Variants in ZNF93 observed in about 807,000 individuals in gnomAD.
ZNF93 encodes zinc finger protein 93.
ZNF93 carries 29 observed loss-of-function variants against 45.0 expected under a neutral mutation model. The observed-to-expected ratio is 0.64, with a 90% CI of 0.48 to 0.88. ZNF93 has a LOEUF of 0.88. ZNF93 is among the 40% of genes least tolerant of loss of function. The pLI is 0.00. For synonymous variants in ZNF93, 223 were observed against 244.6 expected, an observed-to-expected ratio of 0.91 and a Z score of 0.82; for missense variants, 578 against 724.0, an observed-to-expected ratio of 0.80 and a Z score of 2.31.
rs1390524280 is a variant in ZNF93 at position 19,933,884 on chromosome 19, A to C, written c.929A>C (p.Glu310Ala). 6.2e-7 allele frequency: 1 copy of C among 1,613,174 alleles called. No individual in the cohort carries two copies. Among genetic ancestry groups the C allele is most frequent in the Admixed American group, 1.7e-5 (1 of 59,942 alleles). Residue 310 changes from glutamate to alanine, a missense_variant, in exon 4 of 4, where the codon GAG becomes GCG. By Grantham distance (107) the Glu-to-Ala change is moderately radical (BLOSUM62 -1). Transcript: ENST00000343769. Reference sequence around the variant, plus strand: ...AAACATAAGAAAATTCATACTGGAGAGAAGCCCTACGTTTGTGAAGAATGT... The same window carrying C: ...AAACATAAGAAAATTCATACTGGAGCGAAGCCCTACGTTTGTGAAGAATGT... The part of the protein sequence containing the change: ...LTKHKKIHTG[E>A]KPYVCEECGK...
chr19:19,908,843 CAAAAAAAAAAAAA>C (rs35508249), intron 1 of ZNF93: 4 of 73,258 alleles, frequency 5.5e-5, no homozygotes, highest in Non-Finnish European at 9.8e-5. Context: ...AACTCCGTCT[CAAAAAAAAAAAAA>C]AAAAAAAAAA....
Position 19,934,699 on chromosome 19 carries a change from T to C in ZNF93, c.1744T>C (p.Ser582Pro). Residue 582 changes from serine to proline, a missense_variant, in exon 4 of 4, where the codon TCA (serine) becomes CCA (proline). This residue lies in a region of ZNF93 where 119 missense variants were observed against 123.1 expected (regional missense o/e 0.97). Coordinates refer to ENST00000343769, the MANE Select transcript of ZNF93 (RefSeq NM_031218.4). ...KAFNHSATLS[S>P]HKKIHSGEKP... ...TTTTAACCATTCTGCAACCCTTTCT[T>C]CACATAAGAAAATCCATTCTGGAGA... 1 of 1,613,102 alleles carries C rather than the reference T, an allele frequency of 6.2e-7. No individual in the cohort carries two copies. Among genetic ancestry groups the C allele is most frequent in the Non-Finnish European group, 8.5e-7 (1 of 1,179,618 alleles).
chr19:19,924,586 CTT>C (rs61018542), intron 3 of ZNF93, among the ~76,000 whole-genome samples: 2 of 146,228 alleles, frequency 1.4e-5, no homozygotes, highest in East Asian at 2.0e-4. Flanking sequence ...TTTTTTCTTT[CTT>C]TTTTTTTTTC....
chr19:19,924,829 G>A (rs548120165), intron 3 of ZNF93, among the ~76,000 whole-genome samples: 1 of 152,068 alleles, frequency 6.6e-6, no homozygotes, highest in African/African-American at 2.4e-5. Flanking sequence ...GACCTCAGGT[G>A]ATCCACCTGC....
intron 1 of ZNF93, among the ~76,000 whole-genome samples, chr19:19,911,055 G>A (rs928875797): frequency 6.6e-6 from 1 of 152,170 alleles, no homozygotes; most frequent in African/African-American, 2.4e-5. Flanking sequence ...AGAGATCGGG[G>A]CCACAAAGTA....
At chr19:19,920,241 G>C (rs1042624396) in intron 3 of ZNF93, among the ~76,000 whole-genome samples, 20 of 152,122 alleles carry the variant, frequency 1.3e-4, no homozygotes, top group Non-Finnish European at 2.2e-4. Flanking sequence ...CTGTTTATAT[G>C]CTGGATTATG....
At chr19:19,922,334 C>T (rs2063344464) in intron 3 of ZNF93, among the ~76,000 whole-genome samples, 2 of 152,190 alleles carry the variant, frequency 1.3e-5, no homozygotes, top group African/African-American at 4.8e-5. Context: ...GATGGGCTTC[C>T]CTTTGTGGGT....
At chr19:19,929,746 G>A (rs971258018) in intron 3 of ZNF93, among the ~76,000 whole-genome samples, 1 of 151,380 alleles carries the variant, frequency 6.6e-6, no homozygotes, top group South Asian at 2.1e-4. Context: ...AGACCATCCC[G>A]GCTAAAACGG....
chr19:19,912,413 T>G (rs2063311342), intron 1 of ZNF93, among the ~76,000 whole-genome samples: 1 of 152,174 alleles, frequency 6.6e-6, no homozygotes, highest in African/African-American at 2.4e-5. Context: ...TTTTGGCTGC[T>G]GAATCCTGCT....
intron 1 of ZNF93, among the ~76,000 whole-genome samples, chr19:19,902,323 A>T (rs193191495): frequency 6.6e-6 from 1 of 152,060 alleles, no homozygotes; most frequent in Non-Finnish European, 1.5e-5. Flanking sequence ...CAGTGGCGCA[A>T]TCATGGCTCA....
chr19:19,929,333 T>C (rs1458098199), intron 3 of ZNF93, among the ~76,000 whole-genome samples: 2 of 152,206 alleles, frequency 1.3e-5, no homozygotes, highest in East Asian at 3.9e-4. Context: ...CAAGTATTTC[T>C]CTATATGCAA....
Position 19,934,274 on chromosome 19 carries a change from T to C in ZNF93, c.1319T>C (p.Leu440Pro), listed in dbSNP as rs774918277. Residue 440 changes from leucine (L) to proline (P), a missense_variant, in exon 4 of 4, where the codon CTT becomes CCT. By Grantham distance (98) the Leu-to-Pro change is moderately conservative (BLOSUM62 -3). Transcript: ENST00000343769. ...AAAGCCTTTGTTGCATCCTCAACCCTTAGTAAACATGAGATCATTCATACT... is the reference window on the plus strand; with the variant it reads ...AAAGCCTTTGTTGCATCCTCAACCCCTAGTAAACATGAGATCATTCATACT... ...CGKAFVASSTLSKHEIIHTGK... is the reference protein window; with the variant it reads ...CGKAFVASSTPSKHEIIHTGK... 2 of 1,612,890 alleles carry C rather than the reference T, an allele frequency of 1.2e-6. No individual in the cohort carries two copies. The highest frequency in any genetic ancestry group is 1.1e-5 in the South Asian group (1 of 91,032).
intron 2 of ZNF93, 141 bp downstream of exon 2, chr19:19,915,547 C>A: frequency 8.0e-7 from 1 of 1,252,040 alleles, no homozygotes; most frequent in Middle Eastern, 2.2e-4. Context: ...AGAATTTGTT[C>A]ATTTAGAAAA....
At chr19:19,923,352 G>A (rs1157313332) in intron 3 of ZNF93, among the ~76,000 whole-genome samples, 1 of 152,142 alleles carries the variant, frequency 6.6e-6, no homozygotes, top group African/African-American at 2.4e-5. Context: ...GCTCCTACTT[G>A]GGGGTGCCTT....
intron 1 of ZNF93, among the ~76,000 whole-genome samples, chr19:19,912,570 A>G (rs2063312065): frequency 6.6e-5 from 10 of 152,218 alleles, no homozygotes; most frequent in Admixed American, 6.5e-4. Flanking sequence ...CTTGTTTTCT[A>G]TTCCTGCAGA....
chr19:19,924,229 A>G (rs2063349974), intron 3 of ZNF93, among the ~76,000 whole-genome samples: 1 of 152,032 alleles, frequency 6.6e-6, no homozygotes, highest in Non-Finnish European at 1.5e-5. Context: ...CTTGGATTAC[A>G]GGTGTTTGCC....
intron 3 of ZNF93, among the ~76,000 whole-genome samples, chr19:19,931,573 C>T (rs879543863): frequency 6.6e-6 from 1 of 152,178 alleles, no homozygotes; most frequent in Non-Finnish European, 1.5e-5. Context: ...CCATGTTGCC[C>T]AGGCTGATCT....
chr19:19,917,726 G>T (rs1181127810), intron 3 of ZNF93, among the ~76,000 whole-genome samples: 3 of 152,126 alleles, frequency 2.0e-5, no homozygotes, highest in Admixed American at 2.0e-4. Context: ...ATGTTGGTCA[G>T]AGTGGTCTCA....
rs768572259 is a variant in ZNF93, at chr19:19,901,065, A to C, written c.-24A>C. On this transcript the variant is annotated 5_prime_UTR_variant, in exon 1 of 4. Transcript: ENST00000343769. ...GTATTGGGAGATCCACAGCTAAGAC[A>C]CCAGGACCCCTGGAAGCCTAGAAAT... is the stretch of plus-strand genomic sequence containing the variant. 5.0e-6 allele frequency: 8 copies of C among 1,612,866 alleles called. No homozygotes were observed. The South Asian group carries it at 8.8e-5, about 18-fold the overall frequency.
Sources: allele counts gnomAD v4.1 joint callset (sites outside exome capture counted in the v4.1 genomes callset), GRCh38; gene constraint gnomAD v4.1.1; regional missense constraint gnomAD v4.1.1; transcripts MANE v1.5; gene names NCBI Gene and HGNC (gene_info 2026-07-23, HGNC 2026-07-21).